The following MTA3 variants were observed in gnomAD, a reference collection of about 807,000 sequenced individuals.
MTA3 encodes metastasis-associated protein MTA3.
In MTA3, 34 loss-of-function variants were observed where a neutral mutation model predicts 83.5. The observed-to-expected ratio is 0.41, with a 90% CI of 0.31 to 0.54. The LOEUF (loss-of-function observed/expected upper bound fraction) is 0.54. MTA3 is among the 20% of genes least tolerant of loss of function. The probability of loss-of-function intolerance (pLI) is 0.33; values close to 1 mark genes in which losing one functional copy is unlikely to be tolerated. For missense variants in MTA3, 761 were observed against 726.4 expected, an observed-to-expected ratio of 1.05 and a Z score of -0.55; for synonymous variants, 303 against 252.7, an observed-to-expected ratio of 1.20 and a Z score of -1.89.
chr2:42,710,171 T>G (rs1460271194), intron 14 of MTA3, among the ~76,000 whole-genome samples: 1 of 152,218 alleles, frequency 6.6e-6, no homozygotes, highest in Non-Finnish European at 1.5e-5. Context: ...AAAAAAACAT[T>G]TTTTGTTCCT....
intron 2 of MTA3, among the ~76,000 whole-genome samples, chr2:42,502,302 A>G (rs1572887413): frequency 6.6e-6 from 1 of 152,192 alleles, no homozygotes; most frequent in Non-Finnish European, 1.5e-5. Flanking sequence ...GACCCTCAGG[A>G]AGAATTTTAG....
rs70963328 is a variant in MTA3 at position 42,540,170 on chromosome 2, ATTTTTTT to A, written c.-140-30253_-140-30247del. ...CCAATAGTGGGCATTAACTTTGTAG[ATTTTTTT>A]TTTTTTTTTTTTTGTAGACAGGGTC... On this transcript the variant is annotated intron_variant, in intron 2 of 17. Coordinates refer to the MTA3 transcript ENST00000405592. Among the ~76,000 whole-genome samples, 3 of 125,442 alleles carry A rather than the reference ATTTTTTT, an allele frequency of 2.4e-5. No homozygotes were observed. The Admixed American group carries it at 2.6e-4, about 11-fold the overall frequency. 82.3% of individuals were successfully genotyped at this position (125,442 alleles called of 152,430 possible).
chr2:42,562,907 C>T (rs999277308), intron 2 of MTA3, among the ~76,000 whole-genome samples: 3 of 152,202 alleles, frequency 2.0e-5, no homozygotes, highest in African/African-American at 7.2e-5. Context: ...CCACTATCCT[C>T]TTCCCCAACT....
chr2:42,555,945 G>A (rs749120201), intron 2 of MTA3, among the ~76,000 whole-genome samples: 1 of 151,888 alleles, frequency 6.6e-6, no homozygotes, highest in African/African-American at 2.4e-5. Context: ...GGTGGTGGGC[G>A]CCTGTAATCC....
intron 2 of MTA3, among the ~76,000 whole-genome samples, chr2:42,509,645 C>T (rs1674804773): frequency 6.6e-6 from 1 of 151,974 alleles, no homozygotes. Flanking sequence ...GTGGCATGAG[C>T]CTGTAATCCC....
intron 7 of MTA3, among the ~76,000 whole-genome samples, chr2:42,658,155 A>C (rs1689344082): frequency 6.6e-6 from 1 of 151,004 alleles, no homozygotes; most frequent in Admixed American, 6.6e-5. Context: ...AATCCACCAG[A>C]ATGGTTAAAA....
At chr2:42,681,100 A>T (rs1310433216) in intron 8 of MTA3, among the ~76,000 whole-genome samples, 4 of 152,220 alleles carry the variant, frequency 2.6e-5, no homozygotes, top group African/African-American at 9.6e-5. Context: ...CCTCGGGCCC[A>T]GGAGTTCAAC....
chr2:42,524,472 GTTTTTTTTT>G lies in MTA3; in HGVS notation c.-141+29234_-141+29242del, dbSNP rs58288129. On this transcript the variant is annotated intron_variant, in intron 2 of 17. Transcript: ENST00000405592. ...CCCGCCACCACGCCTGGCTAGTTGTGTTTTTTTTTTTTTTTTTTTTTTTTGTATTTTTTA... is the reference window on the plus strand; with the variant it reads ...CCCGCCACCACGCCTGGCTAGTTGTGTTTTTTTTTTTTTTTGTATTTTTTA... 5.7e-3 allele frequency among the ~76,000 whole-genome samples: 405 copies of G among 70,674 alleles called. 4 individuals carry two copies. The highest frequency in any genetic ancestry group is 0.022 in the African/African-American group (378 of 17,532). 46.4% of individuals were successfully genotyped at this position (70,674 alleles called of 152,430 possible).
chr2:42,751,691 C>A (rs1669882333), intron 16 of MTA3, among the ~76,000 whole-genome samples: 1 of 152,272 alleles, frequency 6.6e-6, no homozygotes, highest in East Asian at 1.9e-4. Flanking sequence ...CCGCAGCAGG[C>A]AAGTTTGGCA....
intron 2 of MTA3, among the ~76,000 whole-genome samples, chr2:42,513,404 A>G (rs1331341232): frequency 6.6e-6 from 1 of 152,174 alleles, no homozygotes; most frequent in Non-Finnish European, 1.5e-5. Context: ...AAACAAAACA[A>G]AACACTTCCA....
At chr2:42,656,060 C>T (rs1457974678) in intron 6 of MTA3, 140 bp from the exon 7 acceptor site, 12 of 593,802 alleles carry the variant, frequency 2.0e-5, no homozygotes, top group Middle Eastern at 2.8e-4. Context: ...TGTACATCTA[C>T]GTCTGAAAGA....
rs544251568 is a variant in MTA3, at chr2:42,513,169, C to T, written c.-141+17915C>T. ...CCATGCAGGGGAAACCCCATTTCATCTTTGTGTTGGCAAGCCCTTTGTTAC... is the reference window on the plus strand; with the variant it reads ...CCATGCAGGGGAAACCCCATTTCATTTTTGTGTTGGCAAGCCCTTTGTTAC... On this transcript the variant is annotated intron_variant, in intron 2 of 17. Transcript: ENST00000405592. Among the ~76,000 whole-genome samples, 4 of 152,288 alleles carry T rather than the reference C, an allele frequency of 2.6e-5. 1 individual carries two copies. The South Asian group carries it at 8.3e-4, about 32-fold the overall frequency.
chr2:42,512,048 A>T (rs1055124873), intron 2 of MTA3, among the ~76,000 whole-genome samples: 6 of 151,370 alleles, frequency 4.0e-5, no homozygotes, highest in African/African-American at 1.5e-4. Context: ...AAAATAAAAT[A>T]AAAAATAATT....
chr2:42,688,534 C>A (rs1453431280), intron 9 of MTA3, among the ~76,000 whole-genome samples: 2 of 151,152 alleles, frequency 1.3e-5, no homozygotes, highest in Non-Finnish European at 2.9e-5. Context: ...AAATGTTTTT[C>A]AAAATCTTCT....
intron 2 of MTA3, among the ~76,000 whole-genome samples, chr2:42,535,736 CATA>C (rs57616890): frequency 0.36 from 54,612 of 151,608 alleles, 9,927 homozygotes; most frequent in South Asian, 0.41. Context: ...GCAACACATG[CATA>C]ATAACCCTTG....
intron 2 of MTA3, among the ~76,000 whole-genome samples, chr2:42,576,974 A>T (rs1479840809): frequency 6.6e-6 from 1 of 150,506 alleles, no homozygotes; most frequent in African/African-American, 2.4e-5. Context: ...AAGCTAGGGA[A>T]AAAAGGCTAC....
intron 16 of MTA3, among the ~76,000 whole-genome samples, chr2:42,738,552 T>G (rs775067006): frequency 3.9e-5 from 6 of 152,194 alleles, no homozygotes; most frequent in Non-Finnish European, 8.8e-5. Flanking sequence ...ACTGCACAAA[T>G]TGTACAGCAT....
chr2:42,726,628 G>T (rs1473792970), intron 16 of MTA3, among the ~76,000 whole-genome samples: 1 of 152,042 alleles, frequency 6.6e-6, no homozygotes, highest in Non-Finnish European at 1.5e-5. Flanking sequence ...TCCTTGCATT[G>T]CAGGTTCTTG....
chr2:42,556,247 A>G (rs1374903355), intron 2 of MTA3, among the ~76,000 whole-genome samples: 1 of 151,910 alleles, frequency 6.6e-6, no homozygotes, highest in Non-Finnish European at 1.5e-5. Flanking sequence ...CCTACTCCAG[A>G]GTCTCCCGAA....
Sources: gnomAD v4.1 joint callset for allele counts (sites outside exome capture counted in the v4.1 genomes callset) on GRCh38, gnomAD v4.1.1 for gene constraint, MANE v1.5 for transcripts, NCBI Gene and HGNC (gene_info 2026-07-23, HGNC 2026-07-21) for gene names.